Variants in PCDHA9 observed in about 807,000 individuals in gnomAD.
PCDHA9 encodes the protein protocadherin alpha 9.
A neutral mutation model predicts 62.0 loss-of-function variants in PCDHA9; 62 were observed. The ratio of observed to expected loss-of-function variants is 1.00; its 90% confidence interval spans 0.81 to 1.23. The LOEUF is 1.23. PCDHA9 is among the 50% of genes most tolerant of loss of function. The pLI is 0.00. For missense variants in PCDHA9, 1,205 were observed against 1,249.8 expected, an observed-to-expected ratio of 0.96 and a Z score of 0.54; for synonymous variants, 557 against 567.6, an observed-to-expected ratio of 0.98 and a Z score of 0.27.
At chr5:140,858,414 T>C (rs2045398069) in intron 1 of PCDHA9, 1 of 1,562,782 alleles carries the variant, frequency 6.4e-7, no homozygotes. Flanking sequence ...GATCAGTCTA[T>C]TGGAGGGGAC....
chr5:140,912,993 T>C (rs186652657), intron 1 of PCDHA9, among the ~76,000 whole-genome samples: 1 of 152,294 alleles, frequency 6.6e-6, no homozygotes, highest in Non-Finnish European at 1.5e-5. Flanking sequence ...TTCAGTTTGC[T>C]AGTATTTTGT....
At chr5:140,870,929 A>C in intron 1 of PCDHA9, 3 of 1,613,868 alleles carry the variant, frequency 1.9e-6, no homozygotes, top group Non-Finnish European at 2.5e-6. Context: ...CTTTCATATG[A>C]ATTGCAGCCG....
chr5:140,993,532 A>C (rs1159592677), intron 3 of PCDHA9, among the ~76,000 whole-genome samples: 1 of 151,984 alleles, frequency 6.6e-6, no homozygotes, highest in African/African-American at 2.4e-5. Flanking sequence ...ACAGAGAGAG[A>C]GAGAGATAGA....
At chr5:140,883,686 A>T in intron 1 of PCDHA9, 1 of 1,613,782 alleles carries the variant, frequency 6.2e-7, no homozygotes, top group South Asian at 1.1e-5. Context: ...CCGGGCTGCC[A>T]CATCTTCACG....
chr5:140,873,785 C>T (rs1035020245), intron 1 of PCDHA9, among the ~76,000 whole-genome samples: 2 of 152,146 alleles, frequency 1.3e-5, no homozygotes, highest in Non-Finnish European at 2.9e-5. Flanking sequence ...CTCAGCTTTC[C>T]GAGAAGCTGG....
chr5:140,879,889 C>T (rs897508016), intron 1 of PCDHA9, among the ~76,000 whole-genome samples: 3 of 152,200 alleles, frequency 2.0e-5, no homozygotes, highest in Non-Finnish European at 4.4e-5. Context: ...GCCTCCTCCT[C>T]TCCATGTCTC....
At chr5:140,893,762 T>A (rs1337056301) in intron 1 of PCDHA9, among the ~76,000 whole-genome samples, 1 of 152,196 alleles carries the variant, frequency 6.6e-6, no homozygotes, top group Non-Finnish European at 1.5e-5. Context: ...TATAGGTGAC[T>A]TGTCACTTTT....
chr5:140,978,787 C>G (rs1164015518), intron 1 of PCDHA9, 162 bp from the exon 2 acceptor site: 2 of 972,388 alleles, frequency 2.1e-6, no homozygotes, highest in Non-Finnish European at 2.4e-6. Context: ...TTCTAAAGTG[C>G]TATATATGTA....
At chr5:140,875,130 C>T (rs2055283720) in intron 1 of PCDHA9, among the ~76,000 whole-genome samples, 1 of 151,894 alleles carries the variant, frequency 6.6e-6, no homozygotes, top group Admixed American at 6.6e-5. Context: ...TAACTAAACC[C>T]GCATTTATAA....
intron 1 of PCDHA9, among the ~76,000 whole-genome samples, chr5:140,886,063 G>A (rs547299842): frequency 3.3e-5 from 5 of 152,172 alleles, no homozygotes; most frequent in East Asian, 1.9e-4. Flanking sequence ...TTACAAAAGC[G>A]TAGGGCCATA....
chr5:140,857,659 C>G lies in PCDHA9; in HGVS notation c.2394+6770C>G, dbSNP rs200404988. On this transcript the variant is annotated intron_variant, in intron 1 of 3. Transcript: ENST00000532602. ...TGCTACAGTTCCAGGTGAGCGCGCG[C>G]GATGGGGGCGTGCCGCCTCTGGGCA... is the stretch of plus-strand genomic sequence containing the variant. 3.8e-6 allele frequency: 6 copies of G among 1,596,596 alleles called. No individual in the cohort carries two copies. In the Admixed American group the frequency reaches 8.4e-5, roughly 22 times the overall value.
At chr5:140,869,986 G>T (rs781968863) in intron 1 of PCDHA9, 4 of 1,613,322 alleles carry the variant, frequency 2.5e-6, no homozygotes, top group Admixed American at 1.7e-5. Context: ...ATTTACACTA[G>T]ATCAAAATAA....
At chr5:140,875,474 T>A in intron 1 of PCDHA9, 2 of 1,606,582 alleles carry the variant, frequency 1.2e-6, no homozygotes, top group Non-Finnish European at 1.7e-6. Flanking sequence ...TTTTCTGCAA[T>A]GGTGATTATC....
intron 1 of PCDHA9, chr5:140,928,117 A>G (rs781867812): frequency 1.1e-5 from 18 of 1,614,208 alleles, no homozygotes; most frequent in Non-Finnish European, 1.5e-5. Context: ...GGAGCAGATC[A>G]GTGAATACCA....
intron 3 of PCDHA9, among the ~76,000 whole-genome samples, chr5:141,006,751 G>A (rs1369409000): frequency 2.0e-5 from 3 of 152,166 alleles, no homozygotes; most frequent in Non-Finnish European, 4.4e-5. Flanking sequence ...ATTATAAATG[G>A]AGAATGAAGA....
chr5:141,004,880 G>A (rs940142127), intron 3 of PCDHA9, among the ~76,000 whole-genome samples: 2 of 152,172 alleles, frequency 1.3e-5, no homozygotes, highest in Admixed American at 6.5e-5. Context: ...TCCCTAAAGT[G>A]CTATTGTGTC....
chr5:140,849,920 C>T lies in PCDHA9; in HGVS notation c.1425C>T (p.Phe475=), dbSNP rs2041223801. ...KENNPPGCHI[F]TVSARDADAQ... Reference sequence around the variant, plus strand: ...ACAACCCGCCGGGCTGCCACATCTTCACGGTGTCTGCGCGGGACGCTGACG... The same window carrying T: ...ACAACCCGCCGGGCTGCCACATCTTTACGGTGTCTGCGCGGGACGCTGACG... The change falls in exon 1 of 4, where the codon TTC becomes TTT. Residue 475 remains phenylalanine (F), a synonymous_variant. Transcript: ENST00000532602. 6.3e-7 allele frequency: 1 copy of T among 1,598,270 alleles called. No homozygotes were observed. The highest frequency in any genetic ancestry group is 8.6e-7 in the Non-Finnish European group (1 of 1,167,832).
chr5:140,877,389 G>T, intron 1 of PCDHA9: 1 of 1,613,994 alleles, frequency 6.2e-7, no homozygotes, highest in Non-Finnish European at 8.5e-7. Context: ...TCCTGGATGA[G>T]GCGGACGCTC....
intron 1 of PCDHA9, among the ~76,000 whole-genome samples, chr5:140,935,712 T>C (rs1480290454): frequency 1.3e-5 from 2 of 152,138 alleles, no homozygotes; most frequent in African/African-American, 4.8e-5. Context: ...TAAAACAAAA[T>C]ATATTTAGAG....
Sources: gnomAD v4.1 joint callset for allele counts (sites outside exome capture counted in the v4.1 genomes callset) on GRCh38, gnomAD v4.1.1 for gene constraint, MANE v1.5 for transcripts, NCBI Gene and HGNC (gene_info 2026-07-23, HGNC 2026-07-21) for gene names.